SWT1: variants seen among roughly 807,000 people sequenced by gnomAD.
SWT1 encodes SWT1 RNA endoribonuclease homolog, also known as transcriptional protein SWT1.
A neutral mutation model predicts 107.3 loss-of-function variants in SWT1; 33 were observed. The ratio of observed to expected loss-of-function variants is 0.31; its 90% CI spans 0.23 to 0.41. The LOEUF is 0.41. Ranked by LOEUF, SWT1 falls within the 10% of genes least tolerant of loss-of-function variation. The pLI is 1.00. For missense variants in SWT1, 898 were observed against 1,028.9 expected (o/e 0.87, Z 1.74); for synonymous variants, 345 against 348.3 (o/e 0.99, Z 0.11).
At chr1:185,216,961 A>G (rs1018913760) in intron 14 of SWT1, among the ~76,000 whole-genome samples, 74 of 151,594 alleles carry the variant, frequency 4.9e-4, no homozygotes, top group African/African-American at 9.5e-4. Flanking sequence ...CAAAAAAAAA[A>G]AAAAGAAAAG....
intron 9 of SWT1, among the ~76,000 whole-genome samples, chr1:185,187,226 A>AT (rs1318819392): frequency 6.7e-6 from 1 of 149,676 alleles, no homozygotes; most frequent in Middle Eastern, 3.4e-3. Context: ...TACCCAGCTG[A>AT]TTTTTGTATT....
chr1:185,197,330 A>G (rs1412391022), intron 10 of SWT1, among the ~76,000 whole-genome samples: 4 of 152,150 alleles, frequency 2.6e-5, no homozygotes, highest in Non-Finnish European at 5.9e-5. Flanking sequence ...ATCATGGTGG[A>G]TAAGCTTTTT....
At chr1:185,194,913 G>T (rs900894113) in intron 10 of SWT1, among the ~76,000 whole-genome samples, 50 of 152,178 alleles carry the variant, frequency 3.3e-4, no homozygotes, top group African/African-American at 1.2e-3. Flanking sequence ...GCAGTATGTT[G>T]TTTTTCTCTG....
chr1:185,281,004 A>G (rs1664583636), intron 18 of SWT1: 1 of 362,956 alleles, frequency 2.8e-6, no homozygotes, highest in Admixed American at 2.9e-5. Flanking sequence ...AAGAGTTTTC[A>G]GTCCCTTTTT....
At chr1:185,285,423 T>C (rs887814236) in intron 18 of SWT1, among the ~76,000 whole-genome samples, 6 of 152,182 alleles carry the variant, frequency 3.9e-5, no homozygotes, top group Non-Finnish European at 5.9e-5. Flanking sequence ...CGGTTCAACA[T>C]GTTATATATT....
intron 16 of SWT1, among the ~76,000 whole-genome samples, chr1:185,257,549 C>A (rs1036052429): frequency 6.6e-6 from 1 of 151,756 alleles, no homozygotes; most frequent in East Asian, 1.9e-4. Context: ...ATTTTCCAGG[C>A]GCGTCTGTCA....
rs574327421 is a variant in SWT1, at chr1:185,246,318, C to T, written c.2441+14610C>T. Among the ~76,000 whole-genome samples, 6 of 152,202 alleles carry T rather than the reference C, an allele frequency of 3.9e-5. No individual in the cohort carries two copies. In the South Asian group the frequency reaches 1.2e-3, roughly 32 times the overall value. The stretch of plus-strand genomic sequence containing the variant: ...CTTTTCTTGGAGTCTCACTCTGTTG[C>T]TCAGTCTGCAGTGCAGTGGCATCAT... On this transcript the variant is annotated intron_variant, in intron 16 of 18. Coordinates refer to ENST00000367500, the MANE Select transcript of SWT1 (RefSeq NM_017673.7).
chr1:185,180,317 T>G, intron 5 of SWT1, 74 bp from the exon 6 acceptor site: 2 of 1,196,942 alleles, frequency 1.7e-6, no homozygotes. Flanking sequence ...CCCTGAAGGT[T>G]AATAGTGACA....
chr1:185,209,186 C>A (rs1054591743), intron 13 of SWT1, among the ~76,000 whole-genome samples: 1 of 151,906 alleles, frequency 6.6e-6, no homozygotes, highest in Non-Finnish European at 1.5e-5. Context: ...CAAGCATGAG[C>A]TCCCCTCCTT....
rs1239647718 is a variant in SWT1 at position 185,202,641 on chromosome 1, C to G, written c.1524-13C>G. On this transcript the variant is annotated splice_polypyrimidine_tract_variant and intron_variant, in intron 10 of 18. Coordinates refer to ENST00000367500, the MANE Select transcript of SWT1 (RefSeq NM_017673.7). ...AATATTTTTTCCTCCTAATCCCAACCTCCCAACCTTAGGGATGATAGAAAC... is the reference window on the plus strand; with the variant it reads ...AATATTTTTTCCTCCTAATCCCAACGTCCCAACCTTAGGGATGATAGAAAC... 1.2e-6 allele frequency: 2 copies of G among 1,600,656 alleles called. No homozygotes were observed. Among genetic ancestry groups the G allele is most frequent in the Non-Finnish European group, 1.7e-6 (2 of 1,174,608 alleles).
At chr1:185,190,419 A>G in intron 9 of SWT1, 130 bp from the exon 10 acceptor site, 1 of 589,452 alleles carries the variant, frequency 1.7e-6, no homozygotes, top group East Asian at 2.8e-5. Flanking sequence ...TGTGTCCACC[A>G]TCATAGTATC....
At chr1:185,290,290 ACT>A (rs1431744226) in intron 18 of SWT1, among the ~76,000 whole-genome samples, 1 of 152,004 alleles carries the variant, frequency 6.6e-6, no homozygotes, top group Non-Finnish European at 1.5e-5. Flanking sequence ...AAAAATAATA[ACT>A]AAGGCTGGGC....
At chr1:185,242,030 T>C (rs1461790874) in intron 16 of SWT1, among the ~76,000 whole-genome samples, 2 of 152,140 alleles carry the variant, frequency 1.3e-5, no homozygotes, top group Non-Finnish European at 2.9e-5. Context: ...TATGGATTAC[T>C]CTCTAGATCA....
intron 9 of SWT1, among the ~76,000 whole-genome samples, chr1:185,188,151 C>T (rs1257790108): frequency 6.6e-6 from 1 of 152,154 alleles, no homozygotes; most frequent in East Asian, 1.9e-4. Flanking sequence ...GATACATAAC[C>T]AGACTGGTCT....
At chr1:185,249,118 C>G (rs1041205863) in intron 16 of SWT1, among the ~76,000 whole-genome samples, 1 of 152,034 alleles carries the variant, frequency 6.6e-6, no homozygotes, top group Non-Finnish European at 1.5e-5. Flanking sequence ...GGATCTCCAG[C>G]CTCTAAGGCT....
intron 15 of SWT1, among the ~76,000 whole-genome samples, chr1:185,230,598 G>T (rs1373723732): frequency 6.6e-6 from 1 of 152,076 alleles, no homozygotes; most frequent in Non-Finnish European, 1.5e-5. Context: ...ATTATGGGGG[G>T]ACACTAGTCA....
At chr1:185,173,900 T>G (rs1655314890) in intron 4 of SWT1, among the ~76,000 whole-genome samples, 1 of 152,016 alleles carries the variant, frequency 6.6e-6, no homozygotes, top group Non-Finnish European at 1.5e-5. Flanking sequence ...GCTCCTGTAG[T>G]CCCAGTTACG....
chr1:185,290,122 C>CAA (rs1343781386), intron 18 of SWT1, among the ~76,000 whole-genome samples: 1 of 148,288 alleles, frequency 6.7e-6, no homozygotes, highest in African/African-American at 2.4e-5. Flanking sequence ...CAAAACAAAA[C>CAA]AAAACAAAAT....
chr1:185,224,491 G>T (rs1659905861), intron 15 of SWT1, among the ~76,000 whole-genome samples: 1 of 150,716 alleles, frequency 6.6e-6, no homozygotes, highest in African/African-American at 2.5e-5. Flanking sequence ...TGAAATTTAT[G>T]ATTTTTTTTT....
Sources: allele counts gnomAD v4.1 joint callset (sites outside exome capture counted in the v4.1 genomes callset), GRCh38; gene constraint gnomAD v4.1.1; transcripts MANE v1.5; gene names NCBI Gene and HGNC (gene_info 2026-07-23, HGNC 2026-07-21).